SYT14: variants seen among roughly 807,000 people sequenced by gnomAD.
SYT14 encodes synaptotagmin 14, also known as synaptotagmin-14.
SYT14 carries 32 observed loss-of-function variants against 74.2 expected under a neutral mutation model. The observed-to-expected ratio is 0.43, with a 90% CI of 0.33 to 0.58. SYT14 has a LOEUF of 0.58. Ranked by LOEUF, SYT14 falls within the 20% of genes least tolerant of loss-of-function variation. The probability of loss-of-function intolerance (pLI) is 0.05; values close to 1 mark genes in which losing one functional copy is unlikely to be tolerated. For synonymous variants in SYT14, 298 were observed against 337.7 expected (o/e 0.88, Z 1.29); for missense variants, 791 against 981.8 (o/e 0.81, Z 2.60).
exon 4 of SYT14, chr1:210,016,883 A>G (rs2102934877): frequency 2.4e-6 from 3 of 1,231,818 alleles, no homozygotes; most frequent in South Asian, 4.1e-5. Flanking sequence ...CAATAGGCAT[A>G]TGACACAGAA....
intron 7 of SYT14, among the ~76,000 whole-genome samples, chr1:210,123,225 T>A (rs2082501867): frequency 1.4e-3 from 1 of 710 alleles, no homozygotes; most frequent in African/African-American, 6.8e-3. Flanking sequence ...CAACAATAAA[T>A]ACATATATAT....
chr1:209,985,908 G>A (rs1264257247), intron 2 of SYT14, among the ~76,000 whole-genome samples: 8 of 152,166 alleles, frequency 5.3e-5, no homozygotes, highest in African/African-American at 1.9e-4. Flanking sequence ...CAGAGTGGCC[G>A]GGATACAGGA....
chr1:210,050,117 A>G (rs1423257381), intron 5 of SYT14, among the ~76,000 whole-genome samples: 1 of 152,136 alleles, frequency 6.6e-6, no homozygotes, highest in African/African-American at 2.4e-5. Context: ...CCAAACTTTT[A>G]TGCTCTGTTT....
At chr1:210,082,676 G>A (rs2081638708) in intron 5 of SYT14, among the ~76,000 whole-genome samples, 1 of 152,178 alleles carries the variant, frequency 6.6e-6, no homozygotes, top group African/African-American at 2.4e-5. Flanking sequence ...TTTATAGCTA[G>A]GAGATCACAT....
At chr1:209,991,493 A>C (rs1006717680) in intron 2 of SYT14, among the ~76,000 whole-genome samples, 7 of 152,236 alleles carry the variant, frequency 4.6e-5, no homozygotes, top group Non-Finnish European at 8.8e-5. Flanking sequence ...CATTTTGCAA[A>C]GGAAGACATA....
At chr1:210,072,064 T>TAATG (rs2081404750) in intron 5 of SYT14, among the ~76,000 whole-genome samples, 1 of 151,436 alleles carries the variant, frequency 6.6e-6, no homozygotes, top group Admixed American at 6.6e-5. Context: ...ATAACTCATT[T>TAATG]TCTATTCAAT....
At chr1:210,091,612 C>T (rs2081869420) in intron 5 of SYT14, among the ~76,000 whole-genome samples, 1 of 152,134 alleles carries the variant, frequency 6.6e-6, no homozygotes, top group Non-Finnish European at 1.5e-5. Flanking sequence ...ATCACTTGAG[C>T]CTGGGAGGTC....
chr1:210,062,781 C>A (rs1334024287), intron 5 of SYT14, among the ~76,000 whole-genome samples: 1 of 151,770 alleles, frequency 6.6e-6, no homozygotes, highest in Non-Finnish European at 1.5e-5. Flanking sequence ...TTTTTCCTAA[C>A]GTTTTAATTG....
At chr1:209,984,094 T>C (rs1488252539) in intron 2 of SYT14, among the ~76,000 whole-genome samples, 1 of 152,238 alleles carries the variant, frequency 6.6e-6, no homozygotes, top group Non-Finnish European at 1.5e-5. Flanking sequence ...CACTGCAGCC[T>C]GAGGCAGCCA....
rs577628376 is a variant in SYT14 at position 209,987,112 on chromosome 1, A to C, written c.-485-26521A>C. On this transcript the variant is annotated intron_variant, in intron 2 of 9. Transcript: ENST00000637265. The stretch of plus-strand genomic sequence containing the variant: ...ATCATCATTTTGGTCACAACCATTT[A>C]ACTCATCTCTAAGCAGTTCCAAACT... Among the ~76,000 whole-genome samples, 48 of 152,256 alleles carry C rather than the reference A, an allele frequency of 3.2e-4. 3 individuals carry two copies. In the South Asian group the frequency reaches 9.8e-3, roughly 31 times the overall value.
At chr1:210,017,013 A>C (rs2080198737) in exon 4 of SYT14, 2 of 1,231,866 alleles carry the variant, frequency 1.6e-6, no homozygotes, top group Admixed American at 8.4e-5. Flanking sequence ...GAAGACATAA[A>C]ACCAAAGAAA....
chr1:210,159,623 T>G, intron 9 of SYT14, 146 bp downstream of exon 8: 1 of 737,856 alleles, frequency 1.4e-6, no homozygotes, highest in South Asian at 1.6e-5. Flanking sequence ...TAAAACTAAC[T>G]TAGAATTTAT....
intron 2 of SYT14, among the ~76,000 whole-genome samples, chr1:209,995,706 T>C (rs2102858731): frequency 6.6e-6 from 1 of 152,216 alleles, no homozygotes; most frequent in Non-Finnish European, 1.5e-5. Flanking sequence ...ATACTGAACA[T>C]ATTCTAAGAG....
chr1:210,045,414 T>G (rs1369398310), intron 5 of SYT14, among the ~76,000 whole-genome samples: 2 of 152,204 alleles, frequency 1.3e-5, no homozygotes, highest in Non-Finnish European at 2.9e-5. Context: ...ACTTAAAAAT[T>G]TATAAGTTTA....
intron 2 of SYT14, among the ~76,000 whole-genome samples, chr1:210,012,606 GTGAT>G (rs752515103): frequency 3.9e-5 from 6 of 152,098 alleles, no homozygotes; most frequent in Non-Finnish European, 8.8e-5. Context: ...CTAAGAAAGA[GTGAT>G]TGAAGCTTTT....
At chr1:210,146,332 CA>C (rs575101562) in intron 7 of SYT14, among the ~76,000 whole-genome samples, 1 of 147,616 alleles carries the variant, frequency 6.8e-6, no homozygotes, top group Admixed American at 7.2e-5. Context: ...GACTCGGTCT[CA>C]AAAAAAAAGA....
chr1:210,156,798 TCCTCCTGCCTCAG>T (rs2083278551), intron 8 of SYT14: 1 of 230,058 alleles, frequency 4.3e-6, no homozygotes, highest in African/African-American at 2.3e-5. Flanking sequence ...GTTCAAGTGA[TCCTCCTGCCTCAG>T]CCTCCTGAGT....
At chr1:209,951,432 G>A (rs1038272026) in intron 1 of SYT14, among the ~76,000 whole-genome samples, 14 of 151,940 alleles carry the variant, frequency 9.2e-5, no homozygotes, top group Non-Finnish European at 1.8e-4. Context: ...AATGTCCTCC[G>A]GGTTCATCCA....
chr1:210,087,194 C>A (rs2081751804), intron 5 of SYT14, among the ~76,000 whole-genome samples: 1 of 152,174 alleles, frequency 6.6e-6, no homozygotes, highest in Non-Finnish European at 1.5e-5. Context: ...TAGTTGCCCT[C>A]TTCACCCCAC....
Sources: allele counts gnomAD v4.1 joint callset (sites outside exome capture counted in the v4.1 genomes callset), GRCh38; gene constraint gnomAD v4.1.1; transcripts MANE v1.5; gene names NCBI Gene and HGNC (gene_info 2026-07-23, HGNC 2026-07-21).